Variants in PCSK5 observed in about 807,000 individuals in gnomAD.
PCSK5 encodes proprotein convertase subtilisin/kexin type 5.
Under a neutral mutation model 233.2 loss-of-function variants are expected in PCSK5, and 129 were observed. That is an observed-to-expected ratio of 0.55 (90% CI 0.48 to 0.64). PCSK5 has a LOEUF of 0.64. PCSK5 is among the 30% of genes least tolerant of loss of function. The probability of loss-of-function intolerance (pLI) is 0.00; values close to 1 mark genes in which losing one functional copy is unlikely to be tolerated. For synonymous variants in PCSK5, 825 were observed against 879.2 expected (o/e 0.94, Z 1.09); for missense variants, 2,076 against 2,430.1 (o/e 0.85, Z 3.06).
rs141591662 is a variant in PCSK5 at position 76,151,407 on chromosome 9, T to C, written c.1313-5638T>C. Among the ~76,000 whole-genome samples, 1,236 of 152,274 alleles carry C rather than the reference T, an allele frequency of 8.1e-3. 25 individuals are homozygous for C. Among genetic ancestry groups the C allele is most frequent in the African/African-American group, 0.027 (1,107 of 41,548 alleles). On this transcript the variant is annotated intron_variant, in intron 10 of 37. Transcript: ENST00000674117. ...ATTGATGGCAGCTGACACCCAGCAA[T>C]CATGGTTGTCTTTGAGTTCTCCTGC...
At chr9:76,142,676 C>T (rs1823275118) in intron 10 of PCSK5, among the ~76,000 whole-genome samples, 1 of 151,948 alleles carries the variant, frequency 6.6e-6, no homozygotes, top group African/African-American at 2.4e-5. Flanking sequence ...GATAAGAATC[C>T]AGTATATTTT....
chr9:76,198,572 T>C (rs1231214302), intron 20 of PCSK5, among the ~76,000 whole-genome samples: 2 of 152,182 alleles, frequency 1.3e-5, no homozygotes, highest in Non-Finnish European at 2.9e-5. Context: ...TTAAGAGTGC[T>C]GGAGAAAAGC....
At chr9:76,256,065 G>T (rs1359457027) in intron 24 of PCSK5, among the ~76,000 whole-genome samples, 1 of 152,140 alleles carries the variant, frequency 6.6e-6, no homozygotes, top group Non-Finnish European at 1.5e-5. Flanking sequence ...TTGTGCAAAG[G>T]TTGGTCTGCT....
chr9:76,123,089 C>T (rs1832710649), intron 9 of PCSK5, among the ~76,000 whole-genome samples: 1 of 152,030 alleles, frequency 6.6e-6, no homozygotes, highest in South Asian at 2.1e-4. Context: ...AGTGATCCGC[C>T]CACCATGGCC....
chr9:76,334,096 G>T (rs1829611950), intron 34 of PCSK5, among the ~76,000 whole-genome samples: 1 of 152,140 alleles, frequency 6.6e-6, no homozygotes, highest in Admixed American at 6.5e-5. Context: ...CAGGCAAAGA[G>T]AGAGAATGAG....
chr9:75,984,493 G>A (rs1161016834), intron 2 of PCSK5, among the ~76,000 whole-genome samples: 1 of 152,166 alleles, frequency 6.6e-6, no homozygotes, highest in Non-Finnish European at 1.5e-5. Flanking sequence ...CTTTTACCAA[G>A]CATGCAAATA....
At chr9:75,993,901 C>G (rs959463590) in intron 3 of PCSK5, among the ~76,000 whole-genome samples, 1 of 152,192 alleles carries the variant, frequency 6.6e-6, no homozygotes, top group Non-Finnish European at 1.5e-5. Context: ...ATAGGCATCC[C>G]TTGCCTACCA....
Position 76,296,652 on chromosome 9 carries a change from T to G in PCSK5, c.3323-13T>G, listed in dbSNP as rs777495415. ...CTAAAGCCTTCATGCTTTCTCTCTG[T>G]GTTCTCACATAGGTGGCAGTTGTGT... On this transcript the variant is annotated splice_polypyrimidine_tract_variant and intron_variant, in intron 26 of 37. Transcript: ENST00000674117. 1 of 1,585,442 alleles carries G rather than the reference T, an allele frequency of 6.3e-7. No homozygotes were observed. The highest frequency in any genetic ancestry group is 8.7e-7 in the Non-Finnish European group (1 of 1,154,980).
intron 3 of PCSK5, among the ~76,000 whole-genome samples, chr9:75,990,744 C>A (rs911940664): frequency 6.6e-6 from 1 of 152,172 alleles, no homozygotes; most frequent in Non-Finnish European, 1.5e-5. Flanking sequence ...ATATATCTAG[C>A]CTCTGCTCCC....
Position 76,281,114 on chromosome 9 carries a change from G to A in PCSK5, c.3143-11119G>A, listed in dbSNP as rs189041111. Among the ~76,000 whole-genome samples the A allele has an allele frequency of 9.5e-4, 145 of 152,348 alleles. 1 individual carries two copies. Among genetic ancestry groups the A allele is most frequent in the African/African-American group, 3.4e-3 (142 of 41,584 alleles). On this transcript the variant is annotated intron_variant, in intron 24 of 37. Coordinates refer to ENST00000674117, the MANE Select transcript of PCSK5 (RefSeq NM_001372043.1). ...ATAAAAGTGCGAGGTGAAGCAGCAA[G>A]TAATGATGCAGAAGCTGCAGCAAAT...
chr9:76,327,235 T>A (rs1829390182), intron 32 of PCSK5, among the ~76,000 whole-genome samples: 1 of 151,576 alleles, frequency 6.6e-6, no homozygotes, highest in African/African-American at 2.4e-5. Context: ...GCCTCCTGAG[T>A]AGCTGGGACT....
At chr9:76,078,169 T>C (rs968111894) in intron 7 of PCSK5, among the ~76,000 whole-genome samples, 1 of 152,226 alleles carries the variant, frequency 6.6e-6, no homozygotes, top group African/African-American at 2.4e-5. Flanking sequence ...AAGTTCCTTA[T>C]AGATCCTGGA....
At chr9:76,184,521 G>T (rs1488044321) in intron 16 of PCSK5, 152 bp from the exon 17 acceptor site, 1 of 506,458 alleles carries the variant, frequency 2.0e-6, no homozygotes, top group African/African-American at 2.0e-5. Context: ...GCTGAGAAAT[G>T]ATAACAAATA....
At chr9:76,145,936 A>G (rs1324528107) in intron 10 of PCSK5, among the ~76,000 whole-genome samples, 2 of 152,214 alleles carry the variant, frequency 1.3e-5, no homozygotes. Flanking sequence ...CATGACTTCC[A>G]AGGCCAGTGC....
intron 20 of PCSK5, among the ~76,000 whole-genome samples, chr9:76,198,064 G>A (rs1422318648): frequency 1.3e-5 from 2 of 152,196 alleles, no homozygotes; most frequent in African/African-American, 2.4e-5. Context: ...CAGTTATTGA[G>A]CAATAAAGAT....
chr9:76,295,490 T>G, intron 26 of PCSK5, 79 bp downstream of exon 26: 1 of 1,313,928 alleles, frequency 7.6e-7, no homozygotes, highest in South Asian at 1.3e-5. Flanking sequence ...GGAGCGCACA[T>G]GTGATTGGTT....
At chr9:75,900,292 C>A (rs1458445482) in intron 1 of PCSK5, among the ~76,000 whole-genome samples, 2 of 152,220 alleles carry the variant, frequency 1.3e-5, no homozygotes, top group South Asian at 4.2e-4. Flanking sequence ...AAGAGTGATC[C>A]CCGCATACAA....
chr9:76,338,393 G>A lies in PCSK5; in HGVS notation c.4912G>A (p.Glu1638Lys), dbSNP rs773463447. ...HRSCPDHYYV[E>K]QSTQTCERCH... ...CTCCTGCCCAGACCATTACTATGTA[G>A]AGCAAAGCACACAGACCTGTGAGAG... Residue 1638 changes from glutamate to lysine, a missense_variant, in exon 35 of 38, where the codon GAG (glutamate) becomes AAG (lysine). Coordinates refer to ENST00000674117, the MANE Select transcript of PCSK5 (RefSeq NM_001372043.1). 19 of 1,612,618 alleles carry A rather than the reference G, an allele frequency of 1.2e-5. No individual in the cohort carries two copies. The East Asian group carries it at 4.2e-4, about 36-fold the overall frequency.
chr9:76,239,240 T>C, intron 23 of PCSK5, 75 bp downstream of exon 23: 3 of 1,216,636 alleles, frequency 2.5e-6, no homozygotes, highest in Non-Finnish European at 3.5e-6. Flanking sequence ...TCCTGGAGAC[T>C]TGAATTGCCT....
Sources: gnomAD v4.1 joint callset for allele counts (sites outside exome capture counted in the v4.1 genomes callset) on GRCh38, gnomAD v4.1.1 for gene constraint, MANE v1.5 for transcripts, NCBI Gene and HGNC (gene_info 2026-07-23, HGNC 2026-07-21) for gene names.